AP3M2: variants seen among roughly 807,000 people sequenced by gnomAD.
The protein encoded by AP3M2 is adaptor related protein complex 3 subunit mu 2.
In AP3M2, 28 loss-of-function variants were observed where a neutral mutation model predicts 41.6. The observed-to-expected ratio is 0.67, with a 90% CI of 0.50 to 0.92. AP3M2 has a LOEUF of 0.92. Ranked by LOEUF, AP3M2 falls within the 40% of genes least tolerant of loss-of-function variation. AP3M2 has a pLI of 0.00. For missense variants in AP3M2, 427 were observed against 521.4 expected (o/e 0.82, Z 1.76); for synonymous variants, 193 against 186.4 (o/e 1.04, Z -0.29).
intron 6 of AP3M2, among the ~76,000 whole-genome samples, chr8:42,166,593 A>T (rs1451488990): frequency 2.3e-5 from 3 of 128,594 alleles, no homozygotes; most frequent in Non-Finnish European, 5.4e-5. Context: ...TGTCTCTACA[A>T]AAAAAAAAAA....
intron 2 of AP3M2, among the ~76,000 whole-genome samples, chr8:42,156,616 TATC>T (rs1016023547): frequency 5.9e-5 from 9 of 152,310 alleles, no homozygotes; most frequent in African/African-American, 2.2e-4. Context: ...TCTTTTAAAT[TATC>T]ATTCAAAATG....
chr8:42,154,656 A>C lies in AP3M2; in HGVS notation c.-32A>C. The C allele has an allele frequency of 1.9e-6, 3 of 1,607,874 alleles. No individual in the cohort carries two copies. The highest frequency in any genetic ancestry group is 2.5e-6 in the Non-Finnish European group (3 of 1,176,960). Reference sequence around the variant, plus strand: ...GAGTCCTGAGGCTTTCAGACTGAAAAAGGCTTTCTTCTGTCACTGACAATC... The same window carrying C: ...GAGTCCTGAGGCTTTCAGACTGAAACAGGCTTTCTTCTGTCACTGACAATC... On this transcript the variant is annotated 5_prime_UTR_variant, in exon 2 of 9. Coordinates refer to ENST00000396926, the MANE Select transcript of AP3M2 (RefSeq NM_006803.4).
chr8:42,166,502 G>A (rs191125711), intron 6 of AP3M2, among the ~76,000 whole-genome samples: 1 of 140,390 alleles, frequency 7.1e-6, no homozygotes, highest in African/African-American at 2.8e-5. Context: ...TCAGATGAAA[G>A]CATTCTAAAA....
Position 42,167,042 on chromosome 8 carries a change from AAAGT to A in AP3M2, c.804-118_804-115del, listed in dbSNP as rs1804657233. 3.8e-6 allele frequency: 3 copies of A among 790,852 alleles called. No individual in the cohort carries two copies. In the African/African-American group the frequency reaches 5.2e-5, roughly 14 times the overall value. The allele number at this position is 790,852 out of a possible 1,614,324, so 49.0% of individuals were successfully genotyped here. ...TTTTTCTGTTTATTTTTTCAGATAA[AAAGT>A]AAGGACATAGTTAAGGGAGAAGAAG... On this transcript the variant is annotated intron_variant, in intron 6 of 8. Transcript: ENST00000396926.
In AP3M2 at chr8:42,168,942, C is replaced by T; in HGVS notation, c.1157-19C>T. The T allele has an allele frequency of 1.3e-6, 2 of 1,567,626 alleles. No homozygotes were observed. Among genetic ancestry groups the T allele is most frequent in the South Asian group, 1.2e-5 (1 of 86,546 alleles). Reference sequence around the variant, plus strand: ...TGAATAATACTCATGTCTATTTTCCCTCTCTCCCTCCTTTCTAGGACTCAA... The same window carrying T: ...TGAATAATACTCATGTCTATTTTCCTTCTCTCCCTCCTTTCTAGGACTCAA... On this transcript the variant is annotated intron_variant, in intron 8 of 8. Transcript: ENST00000396926.
chr8:42,166,295 T>C (rs941418051), intron 6 of AP3M2, among the ~76,000 whole-genome samples: 9 of 152,112 alleles, frequency 5.9e-5, no homozygotes, highest in African/African-American at 2.2e-4. Context: ...TTCATACTTA[T>C]TGGGAGGATT....
intron 4 of AP3M2, among the ~76,000 whole-genome samples, chr8:42,163,907 T>C (rs1403146752): frequency 6.6e-6 from 1 of 152,226 alleles, no homozygotes; most frequent in Non-Finnish European, 1.5e-5. Flanking sequence ...GGCCAGATCA[T>C]GAAGAACCTT....
chr8:42,154,742 C>T lies in AP3M2; in HGVS notation c.55C>T (p.His19Tyr), dbSNP rs1195857903. ...NSSGDIFLEK[H>Y]WKSVVSRSVC... ...CTCTGGAGACATTTTCCTGGAGAAA[C>T]ATTGGAAAAGTGTGGTCAGCCGTTC... The change falls in exon 2 of 9, where the codon CAT (histidine) becomes TAT (tyrosine). Residue 19 changes from histidine to tyrosine, a missense_variant. Coordinates refer to ENST00000396926, the MANE Select transcript of AP3M2 (RefSeq NM_006803.4). 6.2e-7 allele frequency: 1 copy of T among 1,614,016 alleles called. No individual in the cohort carries two copies. The highest frequency in any genetic ancestry group is 1.7e-5 in the Admixed American group (1 of 60,002).
At position 42,154,975 on chromosome 8, in the gene AP3M2, G is replaced by C; in HGVS notation, c.273+15G>C. ...ACACATTTCAGGTTCGTGAATGTGG[G>C]AAAGTTCATATATGTAAACCGTAAA... On this transcript the variant is annotated intron_variant, in intron 2 of 8. Coordinates refer to ENST00000396926, the MANE Select transcript of AP3M2 (RefSeq NM_006803.4). 1 of 1,603,416 alleles carries C rather than the reference G, an allele frequency of 6.2e-7. No individual in the cohort carries two copies. Among genetic ancestry groups the C allele is most frequent in the Non-Finnish European group, 8.5e-7 (1 of 1,170,640 alleles).
At chr8:42,162,237 A>G in intron 3 of AP3M2, 44 bp from the exon 4 acceptor site, 1 of 1,560,666 alleles carries the variant, frequency 6.4e-7, no homozygotes, top group South Asian at 1.2e-5. Context: ...TGTGGTTTCT[A>G]GAGTCAAAAT....
intron 3 of AP3M2, among the ~76,000 whole-genome samples, chr8:42,161,194 T>C (rs1299382989): frequency 6.6e-6 from 1 of 152,106 alleles, no homozygotes; most frequent in East Asian, 1.9e-4. Flanking sequence ...TCCCAGCTAC[T>C]CTGAAGGCTA....
chr8:42,159,536 T>G (rs1165231365), intron 3 of AP3M2, among the ~76,000 whole-genome samples: 1 of 152,214 alleles, frequency 6.6e-6, no homozygotes, highest in African/African-American at 2.4e-5. Context: ...TTCATGTCCT[T>G]TGTTCATTTT....
In AP3M2 at chr8:42,170,191, A is replaced by T. The variant is rs1804759993; in HGVS notation, c.*1130A>T. On this transcript the variant is annotated 3_prime_UTR_variant, in exon 9 of 9. Transcript: ENST00000396926. Reference sequence around the variant, plus strand: ...TAGAAAAAGAGAAAGCTTACCATCGAGGGTGTGGTTGATCCTTGAAGCTGC... The same window carrying T: ...TAGAAAAAGAGAAAGCTTACCATCGTGGGTGTGGTTGATCCTTGAAGCTGC... The T allele has an allele frequency of 1.3e-5, 2 of 152,234 alleles. No individual in the cohort carries two copies. The highest frequency in any genetic ancestry group is 4.8e-5 in the African/African-American group (2 of 41,462). The allele number at this position is 152,234 out of a possible 1,614,324, so 9.4% of individuals were successfully genotyped here. A position where few individuals can be genotyped will look rare whatever the true frequency, so the allele number is the denominator to read the frequency against.
chr8:42,165,486 A>G lies in AP3M2; in HGVS notation c.729A>G (p.Glu243=), dbSNP rs563642719. The change falls in exon 6 of 9, where the codon GAA becomes GAG. Residue 243 remains glutamate, a synonymous_variant. Transcript: ENST00000396926. ...CTTGTGTTCGTTTCAAACGCTGGGA[A>G]TCTGAGCGCATCCTCTCCTTCATCC... ...FHPCVRFKRW[E]SERILSFIPP... 10 of 1,614,186 alleles carry G rather than the reference A, an allele frequency of 6.2e-6. No homozygotes were observed. The South Asian group carries it at 1.1e-4, about 18-fold the overall frequency.
chr8:42,154,995 C>T lies in AP3M2; in HGVS notation c.273+35C>T, dbSNP rs79615198. 405 of 1,555,570 alleles carry T rather than the reference C, an allele frequency of 2.6e-4. 2 individuals carry two copies. The African/African-American group carries it at 4.7e-3, about 18-fold the overall frequency. On this transcript the variant is annotated intron_variant, in intron 2 of 8. Transcript: ENST00000396926. ...TGTGGGAAAGTTCATATATGTAAAC[C>T]GTAAAGTGTCTTTGTAGTCCTGTTT... is the stretch of plus-strand genomic sequence containing the variant.
intron 3 of AP3M2, 89 bp downstream of exon 3, chr8:42,158,201 C>A: frequency 1.5e-6 from 2 of 1,352,124 alleles, no homozygotes; most frequent in Non-Finnish European, 2.0e-6. Context: ...GAGTGTTTGT[C>A]TTTGGGGATC....
chr8:42,168,714 C>T (rs1587919392), intron 8 of AP3M2, among the ~76,000 whole-genome samples: 1 of 152,112 alleles, frequency 6.6e-6, no homozygotes, highest in African/African-American at 2.4e-5. Flanking sequence ...TCATTTTAGT[C>T]TGCACATTAC....
chr8:42,160,880 C>A (rs140073438), intron 3 of AP3M2, among the ~76,000 whole-genome samples: 8 of 152,228 alleles, frequency 5.3e-5, no homozygotes, highest in African/African-American at 1.9e-4. Flanking sequence ...TTGGTGGTTT[C>A]TTCAATATTC....
At chr8:42,159,858 GAAAAGA>G (rs890581491) in intron 3 of AP3M2, among the ~76,000 whole-genome samples, 3 of 152,170 alleles carry the variant, frequency 2.0e-5, no homozygotes, top group Non-Finnish European at 4.4e-5. Flanking sequence ...GACAGTTTTG[GAAAAGA>G]ATTACAAAGG....
Sources: gnomAD v4.1 joint callset for allele counts (sites outside exome capture counted in the v4.1 genomes callset) on GRCh38, gnomAD v4.1.1 for gene constraint, MANE v1.5 for transcripts, NCBI Gene and HGNC (gene_info 2026-07-23, HGNC 2026-07-21) for gene names.